Variants in RANBP2 observed in about 807,000 individuals in gnomAD.
RANBP2 encodes the protein RAN binding protein 2, also known as E3 SUMO-protein ligase RanBP2.
In RANBP2, 57 loss-of-function variants were observed where a neutral mutation model predicts 303.6. The observed-to-expected ratio is 0.19, with a 90% CI of 0.15 to 0.23. The LOEUF is 0.23. Ranked by LOEUF, RANBP2 falls within the 10% of genes least tolerant of loss-of-function variation. RANBP2 has a pLI of 1.00. For missense variants in RANBP2, 3,138 were observed against 3,780.8 expected, an observed-to-expected ratio of 0.83 and a Z score of 4.46; for synonymous variants, 1,167 against 1,301.5, an observed-to-expected ratio of 0.90 and a Z score of 2.23.
At chr2:109,599,412 T>G in the RANBP2 span, among the ~76,000 whole-genome samples, 1 of 147,696 alleles carries the variant, frequency 6.8e-6, no homozygotes, top group South Asian at 2.1e-4. Flanking sequence ...GAGCCGAGAT[T>G]GTGCCACTGC....
At chr2:109,155,386 C>T in the RANBP2 span, among the ~76,000 whole-genome samples, 4 of 152,230 alleles carry the variant, frequency 2.6e-5, no homozygotes, top group East Asian at 3.9e-4. Context: ...CTGCAAGCTC[C>T]GCCTCCTGAG....
the RANBP2 span, among the ~76,000 whole-genome samples, chr2:109,500,047 G>A: frequency 3.3e-5 from 5 of 152,242 alleles, no homozygotes; most frequent in African/African-American, 9.6e-5. Flanking sequence ...ACATGCTGAC[G>A]TGCTCACTGA....
intron 9 of RANBP2, among the ~76,000 whole-genome samples, chr2:108,749,622 C>T (rs891750623): frequency 2.6e-5 from 4 of 152,032 alleles, no homozygotes; most frequent in Non-Finnish European, 4.4e-5. Context: ...GACAGGGTCT[C>T]GCTGTGTCAC....
chr2:109,484,220 C>T, the RANBP2 span, among the ~76,000 whole-genome samples: 1 of 152,148 alleles, frequency 6.6e-6, no homozygotes. Flanking sequence ...GCGCTTGCCA[C>T]CACGCTCAGC....
chr2:109,728,053 G>C, the RANBP2 span, among the ~76,000 whole-genome samples: 1 of 152,150 alleles, frequency 6.6e-6, no homozygotes, highest in Admixed American at 6.5e-5. Context: ...TACCATGCGA[G>C]TATGTCTTAC....
At chr2:108,771,268 G>A (rs1325291308) in intron 20 of RANBP2, among the ~76,000 whole-genome samples, 1 of 151,010 alleles carries the variant, frequency 6.6e-6, no homozygotes, top group Non-Finnish European at 1.5e-5. Flanking sequence ...GTTGGCTTTG[G>A]ATTAGTTTCA....
At chr2:108,961,513 T>C in the RANBP2 span, among the ~76,000 whole-genome samples, 3 of 152,340 alleles carry the variant, frequency 2.0e-5, no homozygotes, top group South Asian at 2.1e-4. Context: ...GAGCTCCTGG[T>C]TCCCGCTGCC....
chr2:109,697,448 G>A, the RANBP2 span, among the ~76,000 whole-genome samples: 1 of 149,970 alleles, frequency 6.7e-6, no homozygotes, highest in Non-Finnish European at 1.5e-5. Flanking sequence ...TTGTGCCATT[G>A]CACCCCAGCC....
chr2:109,368,708 TAA>T, the RANBP2 span, among the ~76,000 whole-genome samples: 5 of 136,776 alleles, frequency 3.7e-5, no homozygotes, highest in Admixed American at 7.4e-5. Context: ...GTATTTTCTT[TAA>T]AAAAAAAAAA....
the RANBP2 span, among the ~76,000 whole-genome samples, chr2:108,958,897 C>A: frequency 3.9e-5 from 6 of 152,206 alleles, no homozygotes; most frequent in Non-Finnish European, 8.8e-5. Context: ...GGGCAGGTGA[C>A]AACACAGTTC....
the RANBP2 span, among the ~76,000 whole-genome samples, chr2:109,580,876 G>A: frequency 3.3e-5 from 5 of 152,160 alleles, no homozygotes; most frequent in African/African-American, 9.7e-5. Flanking sequence ...ACAGCACAGC[G>A]CCTGGCCATT....
the RANBP2 span, among the ~76,000 whole-genome samples, chr2:108,874,713 T>A: frequency 5.3e-5 from 8 of 152,144 alleles, no homozygotes; most frequent in African/African-American, 2.4e-5. Context: ...TGTAATAAAT[T>A]ATTGTCAAAT....
At chr2:108,780,183 TTTTTCCTTTTTTTC>T (rs1290249400) in intron 25 of RANBP2, among the ~76,000 whole-genome samples, 5 of 150,358 alleles carry the variant, frequency 3.3e-5, no homozygotes, top group Admixed American at 3.3e-4. Context: ...AGCTTTTTTT[TTTTTCCTTTTTTTC>T]CTTTTTTTTT....
the RANBP2 span, among the ~76,000 whole-genome samples, chr2:109,483,825 C>T: frequency 6.6e-5 from 10 of 152,260 alleles, no homozygotes; most frequent in Non-Finnish European, 8.8e-5. Context: ...TAAACTCCTC[C>T]TGTGACTGTC....
At chr2:109,674,735 A>G in the RANBP2 span, among the ~76,000 whole-genome samples, 1 of 152,188 alleles carries the variant, frequency 6.6e-6, no homozygotes, top group Non-Finnish European at 1.5e-5. Flanking sequence ...TGTTATGAAT[A>G]AGGAAATTGA....
intron 4 of RANBP2, among the ~76,000 whole-genome samples, chr2:108,732,247 C>A (rs911149186): frequency 6.6e-6 from 1 of 152,130 alleles, no homozygotes; most frequent in East Asian, 1.9e-4. Flanking sequence ...CAGGAAGTTG[C>A]AAAGATTGTA....
At chr2:109,117,438 T>C in the RANBP2 span, among the ~76,000 whole-genome samples, 10 of 152,220 alleles carry the variant, frequency 6.6e-5, no homozygotes, top group Non-Finnish European at 1.5e-4. Flanking sequence ...CCCTCCGAGC[T>C]AGGTGCAGGA....
chr2:109,731,672 C>T, the RANBP2 span, among the ~76,000 whole-genome samples: 3 of 152,006 alleles, frequency 2.0e-5, no homozygotes, highest in South Asian at 4.2e-4. Flanking sequence ...GGATTATAGT[C>T]GTGAGCCACT....
the RANBP2 span, among the ~76,000 whole-genome samples, chr2:109,530,229 G>A: frequency 6.6e-6 from 1 of 152,196 alleles, no homozygotes; most frequent in Non-Finnish European, 1.5e-5. Flanking sequence ...GCATGGCCCA[G>A]GGAGGCGAGC....
Sources: allele counts gnomAD v4.1 joint callset (sites outside exome capture counted in the v4.1 genomes callset), GRCh38; gene constraint gnomAD v4.1.1; transcripts MANE v1.5; gene names NCBI Gene and HGNC (gene_info 2026-07-23, HGNC 2026-07-21).